The following DSCAML1 variants were observed in gnomAD, a reference collection of about 807,000 sequenced individuals.
The protein encoded by DSCAML1 is DS cell adhesion molecule like 1.
Under a neutral mutation model 200.5 loss-of-function variants are expected in DSCAML1, and 38 were observed. That is an observed-to-expected ratio of 0.19 (90% confidence interval 0.15 to 0.25). The LOEUF is 0.25. Ranked by LOEUF, DSCAML1 falls within the 10% of genes least tolerant of loss-of-function variation. The pLI is 1.00. For synonymous variants in DSCAML1, 1,215 were observed against 1,165.0 expected (o/e 1.04, Z -0.87); for missense variants, 2,223 against 2,858.8 (o/e 0.78, Z 5.07).
At chr11:117,432,647 C>CAAAA in intron 29 of DSCAML1, 143 bp from the exon 30 acceptor site, 3 of 940,042 alleles carry the variant, frequency 3.2e-6, no homozygotes, top group African/African-American at 1.6e-5. Context: ...GACAGGGTCT[C>CAAAA]ACTCTGTTGC....
intron 3 of DSCAML1, among the ~76,000 whole-genome samples, chr11:117,595,955 A>G (rs1403290521): frequency 6.6e-6 from 1 of 152,248 alleles, no homozygotes; most frequent in Admixed American, 6.5e-5. Flanking sequence ...GTGTGGGAGC[A>G]GGAAATGTAT....
chr11:117,575,198 A>T (rs187889407), intron 3 of DSCAML1, among the ~76,000 whole-genome samples: 1 of 152,156 alleles, frequency 6.6e-6, no homozygotes, highest in Admixed American at 6.6e-5. Flanking sequence ...TTTCAAAAAT[A>T]AAAAACAGAA....
At chr11:117,754,439 C>T (rs537519304) in intron 3 of DSCAML1, among the ~76,000 whole-genome samples, 6 of 152,166 alleles carry the variant, frequency 3.9e-5, no homozygotes, top group East Asian at 3.9e-4. Context: ...ATGACTATAT[C>T]GTGGGCCAGG....
intron 3 of DSCAML1, among the ~76,000 whole-genome samples, chr11:117,724,833 A>T (rs557323622): frequency 7.2e-5 from 11 of 152,310 alleles, no homozygotes; most frequent in African/African-American, 1.2e-4. Flanking sequence ...TCAGGAAACA[A>T]GGAGCCTGGA....
chr11:117,492,813 G>C (rs949684121), intron 11 of DSCAML1, among the ~76,000 whole-genome samples: 1 of 152,354 alleles, frequency 6.6e-6, no homozygotes, highest in South Asian at 2.1e-4. Context: ...GGAGTGGGGA[G>C]GGGGTGCCTT....
At chr11:117,435,840 G>T in intron 26 of DSCAML1, 41 bp from the exon 27 acceptor site, 1 of 1,578,774 alleles carries the variant, frequency 6.3e-7, no homozygotes, top group Non-Finnish European at 8.7e-7. Context: ...TCCCTTATGA[G>T]CCAGGTGCTG....
intron 3 of DSCAML1, among the ~76,000 whole-genome samples, chr11:117,708,835 G>C (rs1185840559): frequency 6.6e-6 from 1 of 152,216 alleles, no homozygotes. Context: ...ACATGGCAGA[G>C]TACAAAGTGG....
rs542789490 is a variant in DSCAML1 at position 117,482,298 on chromosome 11, C to G, written c.2360-136G>C. 5 of 1,001,964 alleles carry G rather than the reference C, an allele frequency of 5.0e-6. No homozygotes were observed. In the East Asian group the frequency reaches 1.0e-4, roughly 21 times the overall value. The allele number at this position is 1,001,964 out of a possible 1,614,324, so 62.1% of individuals were successfully genotyped here. ...CTCCAATAAAGGAGTACAGGGAACC[C>G]CACTGGCCTGTCCCTTCTCCCACAT... On this transcript the variant is annotated intron_variant, in intron 11 of 32. Coordinates refer to ENST00000651296, the MANE Select transcript of DSCAML1 (RefSeq NM_020693.4).
intron 1 of DSCAML1, among the ~76,000 whole-genome samples, chr11:117,781,672 T>C (rs939367150): frequency 6.6e-6 from 1 of 152,346 alleles, no homozygotes; most frequent in South Asian, 2.1e-4. Context: ...CCTCACACCA[T>C]GTGACTGTGC....
At chr11:117,431,806 G>T in intron 30 of DSCAML1, 78 bp from the exon 31 acceptor site, 2 of 1,397,314 alleles carry the variant, frequency 1.4e-6, no homozygotes, top group South Asian at 1.5e-5. Context: ...TACCAGAAAG[G>T]GCAGGGGGGA....
chr11:117,764,978 G>A (rs528642263), intron 3 of DSCAML1, among the ~76,000 whole-genome samples: 13 of 152,252 alleles, frequency 8.5e-5, no homozygotes, highest in African/African-American at 2.6e-4. Flanking sequence ...CACCCACTTC[G>A]ACAGGCCCTT....
chr11:117,673,924 C>T (rs1286786274), intron 3 of DSCAML1, among the ~76,000 whole-genome samples: 1 of 152,212 alleles, frequency 6.6e-6, no homozygotes, highest in Non-Finnish European at 1.5e-5. Context: ...CACGTGCAGG[C>T]TGGAGCTGGC....
chr11:117,721,800 CAT>C (rs368884149), intron 3 of DSCAML1, among the ~76,000 whole-genome samples: 6 of 121,620 alleles, frequency 4.9e-5, no homozygotes, highest in African/African-American at 1.9e-4. Flanking sequence ...ATGATATGTA[CAT>C]ATATATATAT....
At chr11:117,709,662 A>T (rs537712627) in intron 3 of DSCAML1, 3 of 454,974 alleles carry the variant, frequency 6.6e-6, no homozygotes, top group Admixed American at 2.4e-5. Flanking sequence ...TCCCACCCCA[A>T]CTCCCACCTC....
chr11:117,459,803 C>A (rs886738013), intron 18 of DSCAML1, among the ~76,000 whole-genome samples: 15 of 148,244 alleles, frequency 1.0e-4, no homozygotes, highest in Non-Finnish European at 2.1e-4. Context: ...TTCCTGGAGA[C>A]CCCCCTCCCA....
intron 3 of DSCAML1, among the ~76,000 whole-genome samples, chr11:117,686,739 G>T (rs2053406821): frequency 6.6e-6 from 1 of 152,178 alleles, no homozygotes. Flanking sequence ...GAGGCAGAGG[G>T]GTTCTCAGGA....
intron 3 of DSCAML1, among the ~76,000 whole-genome samples, chr11:117,613,162 C>T (rs918354072): frequency 2.0e-5 from 3 of 151,986 alleles, no homozygotes; most frequent in Non-Finnish European, 4.4e-5. Context: ...CCCTTGATGT[C>T]CATCCCCCAC....
At chr11:117,795,459 G>C (rs1482762835) in intron 1 of DSCAML1, among the ~76,000 whole-genome samples, 1 of 152,170 alleles carries the variant, frequency 6.6e-6, no homozygotes, top group Admixed American at 6.5e-5. Flanking sequence ...GGGGTTCGGG[G>C]GTGGGGCTTG....
intron 3 of DSCAML1, among the ~76,000 whole-genome samples, chr11:117,773,529 G>GCACACA (rs59492776): frequency 0.083 from 12,012 of 144,462 alleles, 558 homozygotes; most frequent in Non-Finnish European, 0.1. Context: ...ACCTCAAAAT[G>GCACACA]CACACACACA....
Sources: allele counts gnomAD v4.1 joint callset (sites outside exome capture counted in the v4.1 genomes callset), GRCh38; gene constraint gnomAD v4.1.1; transcripts MANE v1.5; gene names NCBI Gene and HGNC (gene_info 2026-07-23, HGNC 2026-07-21).